DIAPH3: variants seen among roughly 807,000 people sequenced by gnomAD.
DIAPH3 encodes diaphanous related formin 3.
A neutral mutation model predicts 144.3 loss-of-function variants in DIAPH3; 117 were observed. The ratio of observed to expected loss-of-function variants is 0.81; its 90% CI spans 0.70 to 0.95. The LOEUF (loss-of-function observed/expected upper bound fraction) is 0.95. Among genes scored for constraint, DIAPH3 ranks in the 40% least tolerant of loss-of-function variants. DIAPH3 has a pLI of 0.00. For synonymous variants in DIAPH3, 519 were observed against 488.9 expected, an observed-to-expected ratio of 1.06 and a Z score of -0.81; for missense variants, 1,421 against 1,412.7, an observed-to-expected ratio of 1.01 and a Z score of -0.09.
chr13:59,914,003 C>T (rs1330113114), intron 19 of DIAPH3, among the ~76,000 whole-genome samples: 1 of 151,304 alleles, frequency 6.6e-6, no homozygotes, highest in Non-Finnish European at 1.5e-5. Flanking sequence ...GAGCCTAATA[C>T]AATGCCCTGG....
chr13:59,814,904 A>G (rs569250570), intron 24 of DIAPH3, among the ~76,000 whole-genome samples: 212 of 152,346 alleles, frequency 1.4e-3, no homozygotes, highest in African/African-American at 4.8e-3. Flanking sequence ...TGACTTTTTT[A>G]TATACCACAC....
intron 24 of DIAPH3, among the ~76,000 whole-genome samples, chr13:59,812,488 C>T (rs1031076172): frequency 7.9e-5 from 12 of 151,976 alleles, no homozygotes; most frequent in Non-Finnish European, 1.5e-4. Flanking sequence ...TGGTAGGGTG[C>T]GGCAGGAGGC....
intron 25 of DIAPH3, among the ~76,000 whole-genome samples, chr13:59,808,196 A>T (rs868031334): frequency 1.3e-5 from 2 of 151,888 alleles, no homozygotes; most frequent in South Asian, 2.1e-4. Context: ...TTTTATATAT[A>T]TCAAGATATA....
At chr13:59,949,543 G>A (rs2048991940) in intron 17 of DIAPH3, among the ~76,000 whole-genome samples, 1 of 152,046 alleles carries the variant, frequency 6.6e-6, no homozygotes, top group Admixed American at 6.6e-5. Flanking sequence ...CATGGGCCAA[G>A]ACCAGTTTGC....
At chr13:59,922,466 C>T (rs73543291) in intron 18 of DIAPH3, among the ~76,000 whole-genome samples, 1 of 152,106 alleles carries the variant, frequency 6.6e-6, no homozygotes, top group African/African-American at 2.4e-5. Context: ...CCATAATATT[C>T]TCTTCAATGA....
At chr13:59,922,778 G>A (rs1342066498) in intron 18 of DIAPH3, among the ~76,000 whole-genome samples, 1 of 151,986 alleles carries the variant, frequency 6.6e-6, no homozygotes, top group Non-Finnish European at 1.5e-5. Context: ...TTTAAAACAT[G>A]TTTCTCAATT....
chr13:59,745,613 AAC>A (rs1947903067), intron 27 of DIAPH3, among the ~76,000 whole-genome samples: 1 of 152,220 alleles, frequency 6.6e-6, no homozygotes, highest in South Asian at 2.1e-4. Flanking sequence ...GATTAAGTTA[AAC>A]AGTCATTCAT....
chr13:59,790,502 A>G (rs1261238857), intron 25 of DIAPH3, among the ~76,000 whole-genome samples: 2 of 152,196 alleles, frequency 1.3e-5, no homozygotes, highest in Non-Finnish European at 2.9e-5. Flanking sequence ...ATAAGTATTC[A>G]TTACCTTTGT....
At chr13:59,950,119 CTT>C (rs2049023069) in intron 17 of DIAPH3, among the ~76,000 whole-genome samples, 1 of 131,844 alleles carries the variant, frequency 7.6e-6, no homozygotes, top group Non-Finnish European at 1.6e-5. Flanking sequence ...CCATTTAAAA[CTT>C]TGTGACAATA....
intron 25 of DIAPH3, among the ~76,000 whole-genome samples, chr13:59,791,863 A>G (rs1163394680): frequency 6.6e-6 from 1 of 152,176 alleles, no homozygotes; most frequent in African/African-American, 2.4e-5. Context: ...GACCAGGAGT[A>G]TCTGAAAATA....
chr13:59,775,391 T>TAC (rs2038356253), intron 25 of DIAPH3, among the ~76,000 whole-genome samples: 2 of 151,968 alleles, frequency 1.3e-5, no homozygotes, highest in Non-Finnish European at 2.9e-5. Flanking sequence ...TACAGGCGCC[T>TAC]GCCACCACGC....
At position 59,978,175 on chromosome 13, in the gene DIAPH3, A is replaced by T. The variant is rs149162091; in HGVS notation, c.1545+2620T>A. Reference sequence around the variant, plus strand: ...GAGAAACTTTTCTATTTTATTCATCACCTTTCCAGTGTCTTACATCTATAA... The same window carrying T: ...GAGAAACTTTTCTATTTTATTCATCTCCTTTCCAGTGTCTTACATCTATAA... On this transcript the variant is annotated intron_variant, in intron 14 of 27. Coordinates refer to ENST00000400324, the MANE Select transcript of DIAPH3 (RefSeq NM_001042517.2). 7.7e-3 allele frequency among the ~76,000 whole-genome samples: 1,169 copies of T among 151,844 alleles called. 17 individuals are homozygous for T. The highest frequency in any genetic ancestry group is 0.026 in the African/African-American group (1,085 of 41,474).
In DIAPH3 at chr13:59,924,888, A is replaced by AT. The variant is rs770793701; in HGVS notation, c.2075-19dup. ...TCTTCTCTCTGTAAAACCAAGATAG[A>AT]TCCATGTTAGGGGCAGCAATTCATT... On this transcript the variant is annotated intron_variant, in intron 17 of 27. Transcript: ENST00000400324. 6.3e-7 allele frequency: 1 copy of AT among 1,594,378 alleles called. No homozygotes were observed. Among genetic ancestry groups the AT allele is most frequent in the Admixed American group, 1.7e-5 (1 of 59,010 alleles).
intron 27 of DIAPH3, among the ~76,000 whole-genome samples, chr13:59,740,173 T>C (rs2077098956): frequency 1.3e-5 from 2 of 152,228 alleles, no homozygotes; most frequent in Non-Finnish European, 2.9e-5. Context: ...TACAGAATTG[T>C]TTCAGACTAT....
intron 1 of DIAPH3, among the ~76,000 whole-genome samples, chr13:60,157,482 A>G (rs1042684320): frequency 6.6e-6 from 1 of 152,210 alleles, no homozygotes. Context: ...GAGGTTTCCT[A>G]TCATTTCATT....
intron 5 of DIAPH3, among the ~76,000 whole-genome samples, chr13:60,023,886 C>T (rs1431199230): frequency 3.7e-5 from 4 of 109,322 alleles, no homozygotes; most frequent in East Asian, 5.9e-4. Context: ...GACAGAGTCT[C>T]GCTCTGTCGC....
Position 59,924,885 on chromosome 13 carries a change from T to C in DIAPH3, c.2075-15A>G, listed in dbSNP as rs753930314. On this transcript the variant is annotated splice_polypyrimidine_tract_variant and intron_variant, in intron 17 of 27. Transcript: ENST00000400324. ...TTCTCTTCTCTCTGTAAAACCAAGA[T>C]AGATCCATGTTAGGGGCAGCAATTC... 7.5e-6 allele frequency: 12 copies of C among 1,595,054 alleles called. No homozygotes were observed. In the Middle Eastern group the frequency reaches 1.0e-3, roughly 133 times the overall value.
intron 17 of DIAPH3, among the ~76,000 whole-genome samples, chr13:59,956,016 T>A (rs1332932274): frequency 6.6e-6 from 1 of 152,180 alleles, no homozygotes; most frequent in African/African-American, 2.4e-5. Context: ...TTGGGTGCTG[T>A]TAAAAGCATT....
intron 25 of DIAPH3, among the ~76,000 whole-genome samples, chr13:59,787,874 T>C (rs550093869): frequency 6.6e-6 from 1 of 152,300 alleles, no homozygotes; most frequent in Admixed American, 6.5e-5. Flanking sequence ...GATTAGTGCT[T>C]TTATAAAAGG....
Sources: allele counts gnomAD v4.1 joint callset (sites outside exome capture counted in the v4.1 genomes callset), GRCh38; gene constraint gnomAD v4.1.1; transcripts MANE v1.5; gene names NCBI Gene and HGNC (gene_info 2026-07-23, HGNC 2026-07-21).